RORA: variants seen among roughly 807,000 people sequenced by gnomAD.
RORA encodes the protein nuclear receptor ROR-alpha.
Under a neutral mutation model 69.5 loss-of-function variants are expected in RORA, and 7 were observed. The observed-to-expected ratio is 0.10, with a 90% CI of 0.06 to 0.19. The LOEUF (loss-of-function observed/expected upper bound fraction) is 0.19. Among genes scored for constraint, RORA ranks in the 10% least tolerant of loss-of-function variants. The pLI, the probability that RORA is intolerant of heterozygous loss-of-function variation, is 1.00. For missense variants in RORA, 457 were observed against 663.0 expected (o/e 0.69, Z 3.41); for synonymous variants, 261 against 240.8 (o/e 1.08, Z -0.78).
At chr15:61,124,124 T>C (rs2079124479) in intron 1 of RORA, among the ~76,000 whole-genome samples, 1 of 152,232 alleles carries the variant, frequency 6.6e-6, no homozygotes, top group African/African-American at 2.4e-5. Context: ...CCCTTGCTGC[T>C]TCCTGAGGTC....
intron 1 of RORA, among the ~76,000 whole-genome samples, chr15:61,208,178 A>T (rs944480573): frequency 6.6e-6 from 1 of 152,234 alleles, no homozygotes; most frequent in Non-Finnish European, 1.5e-5. Context: ...TGAATGAATA[A>T]ACAAAATGTG....
intron 1 of RORA, among the ~76,000 whole-genome samples, chr15:60,870,662 G>A (rs925363650): frequency 1.3e-5 from 2 of 152,182 alleles, no homozygotes; most frequent in Admixed American, 6.5e-5. Context: ...AAACCTACTT[G>A]GCGTCACAAA....
At chr15:61,045,081 G>A (rs1186106539) in intron 1 of RORA, among the ~76,000 whole-genome samples, 3 of 152,120 alleles carry the variant, frequency 2.0e-5, no homozygotes, top group Admixed American at 6.5e-5. Context: ...TAGCTGATAC[G>A]GTTTGGCTGT....
At chr15:60,921,642 C>G (rs1219683525) in intron 1 of RORA, among the ~76,000 whole-genome samples, 3 of 152,144 alleles carry the variant, frequency 2.0e-5, no homozygotes, top group African/African-American at 7.2e-5. Context: ...CAAATATGAT[C>G]TGTGCACATT....
At chr15:61,060,589 A>C (rs1403559481) in intron 1 of RORA, among the ~76,000 whole-genome samples, 1 of 152,134 alleles carries the variant, frequency 6.6e-6, no homozygotes, top group Admixed American at 6.5e-5. Flanking sequence ...CTGCTCAGGG[A>C]AACTGTGGAC....
At chr15:61,223,088 T>C (rs1281403324) in intron 1 of RORA, among the ~76,000 whole-genome samples, 1 of 151,750 alleles carries the variant, frequency 6.6e-6, no homozygotes, top group African/African-American at 2.4e-5. Flanking sequence ...CCGAGGCGGG[T>C]GGATTGTCTA....
chr15:60,911,702 G>T (rs1164994176), intron 1 of RORA, among the ~76,000 whole-genome samples: 20 of 43,676 alleles, frequency 4.6e-4, no homozygotes, highest in East Asian at 6.1e-4. Context: ...ACGGATTTTT[G>T]ATTTTTTTTT....
At chr15:61,072,373 C>A (rs2078380087) in intron 1 of RORA, among the ~76,000 whole-genome samples, 1 of 152,156 alleles carries the variant, frequency 6.6e-6, no homozygotes, top group African/African-American at 2.4e-5. Context: ...GATTTTAGAA[C>A]ATGGGATAAT....
intron 1 of RORA, among the ~76,000 whole-genome samples, chr15:61,056,927 T>C (rs2078104712): frequency 6.6e-6 from 1 of 152,242 alleles, no homozygotes; most frequent in Non-Finnish European, 1.5e-5. Context: ...TCTTGGCTCC[T>C]GACTTTTGTC....
chr15:60,703,575 G>A (rs2071016492), intron 1 of RORA, among the ~76,000 whole-genome samples: 1 of 152,222 alleles, frequency 6.6e-6, no homozygotes, highest in Non-Finnish European at 1.5e-5. Context: ...AGCTTAGATG[G>A]GGACAGTCAC....
chr15:60,912,712 C>T (rs1185266113), intron 1 of RORA, among the ~76,000 whole-genome samples: 1 of 152,048 alleles, frequency 6.6e-6, no homozygotes, highest in Non-Finnish European at 1.5e-5. Flanking sequence ...CAAGATCGTG[C>T]CACTGCACTC....
At chr15:60,582,052 G>A (rs918017223) in intron 2 of RORA, among the ~76,000 whole-genome samples, 11 of 152,008 alleles carry the variant, frequency 7.2e-5, no homozygotes, top group Non-Finnish European at 1.0e-4. Context: ...AACTGCCCCC[G>A]CCCCTTGGTT....
intron 1 of RORA, among the ~76,000 whole-genome samples, chr15:61,055,481 T>C (rs1358150883): frequency 6.6e-6 from 1 of 152,186 alleles, no homozygotes; most frequent in East Asian, 1.9e-4. Context: ...CTCATCTCAC[T>C]TCTCTACCGT....
intron 2 of RORA, among the ~76,000 whole-genome samples, chr15:60,656,494 T>G (rs1053386748): frequency 6.7e-6 from 1 of 149,924 alleles, no homozygotes; most frequent in African/African-American, 2.5e-5. Context: ...AAGGAATCTT[T>G]AAGTCATTGA....
chr15:60,549,653 G>A (rs1370262656), intron 2 of RORA, among the ~76,000 whole-genome samples: 1 of 152,108 alleles, frequency 6.6e-6, no homozygotes, highest in African/African-American at 2.4e-5. Flanking sequence ...TGGGAGGGAG[G>A]ATCTGGTGAT....
intron 3 of RORA, among the ~76,000 whole-genome samples, chr15:60,517,463 T>TTTTTAATTTATTTTA (rs569977596): frequency 1.3e-5 from 2 of 151,780 alleles, no homozygotes; most frequent in African/African-American, 4.9e-5. Flanking sequence ...AAAGCTATGT[T>TTTTTAATTTATTTTA]TTTTATTTTA....
At chr15:60,999,508 T>C (rs924980678) in intron 1 of RORA, among the ~76,000 whole-genome samples, 10 of 152,226 alleles carry the variant, frequency 6.6e-5, no homozygotes, top group African/African-American at 2.4e-4. Context: ...TGGGAAAATC[T>C]TCATATATTC....
chr15:60,768,214 A>G (rs75453845), intron 1 of RORA, among the ~76,000 whole-genome samples: 268 of 152,332 alleles, frequency 1.8e-3, no homozygotes, highest in African/African-American at 6.0e-3. Context: ...CCAGATGGCA[A>G]TGCACTCACT....
At chr15:61,199,119 T>C (rs2079872681) in intron 1 of RORA, among the ~76,000 whole-genome samples, 1 of 152,252 alleles carries the variant, frequency 6.6e-6, no homozygotes, top group African/African-American at 2.4e-5. Flanking sequence ...TAGCAAGTGA[T>C]GGCCCCAAGT....
Sources: allele counts gnomAD v4.1 joint callset (sites outside exome capture counted in the v4.1 genomes callset), GRCh38; gene constraint gnomAD v4.1.1; transcripts MANE v1.5; gene names NCBI Gene and HGNC (gene_info 2026-07-23, HGNC 2026-07-21).